Variants in TECRL observed in about 807,000 individuals in gnomAD.
TECRL encodes trans-2,3-enoyl-CoA reductase like.
A neutral mutation model predicts 52.8 loss-of-function variants in TECRL; 63 were observed. The observed-to-expected ratio is 1.19, with a 90% CI of 0.97 to 1.47. The LOEUF is 1.47. Among genes scored for constraint, TECRL ranks in the 40% most tolerant of loss-of-function variants. TECRL has a pLI of 0.00. For missense variants in TECRL, 482 were observed against 429.6 expected (o/e 1.12, Z -1.08); for synonymous variants, 164 against 141.9 (o/e 1.16, Z -1.10).
At chr4:64,341,053 T>C (rs746725171) in intron 2 of TECRL, among the ~76,000 whole-genome samples, 2 of 152,068 alleles carry the variant, frequency 1.3e-5, no homozygotes, top group Admixed American at 6.5e-5. Context: ...GCAGAGATGA[T>C]GGGACAACCT....
At chr4:64,393,374 A>G (rs1723684244) in intron 1 of TECRL, among the ~76,000 whole-genome samples, 1 of 151,892 alleles carries the variant, frequency 6.6e-6, no homozygotes. Flanking sequence ...AAAGGGGGGG[A>G]ACATGAATTT....
At chr4:64,347,146 G>A (rs544465214) in intron 2 of TECRL, among the ~76,000 whole-genome samples, 3 of 152,144 alleles carry the variant, frequency 2.0e-5, no homozygotes, top group Non-Finnish European at 2.9e-5. Flanking sequence ...TGTTCAAAAA[G>A]TTGCCTCTTC....
chr4:64,352,295 G>A (rs1295572303), intron 2 of TECRL, among the ~76,000 whole-genome samples: 2 of 152,002 alleles, frequency 1.3e-5, no homozygotes, highest in African/African-American at 4.8e-5. Flanking sequence ...AAGAAACTAG[G>A]ATAAGAAATT....
chr4:64,297,717 A>T (rs1395386492), intron 8 of TECRL, among the ~76,000 whole-genome samples: 1 of 151,256 alleles, frequency 6.6e-6, no homozygotes, highest in African/African-American at 2.4e-5. Context: ...TATAAATTGA[A>T]GAATAGACTT....
At chr4:64,345,780 C>G (rs1719911719) in intron 2 of TECRL, among the ~76,000 whole-genome samples, 1 of 151,614 alleles carries the variant, frequency 6.6e-6, no homozygotes, top group Non-Finnish European at 1.5e-5. Flanking sequence ...ATGCCTTTCT[C>G]CTGTGTGGAT....
chr4:64,381,029 A>G (rs1722756107), intron 1 of TECRL, among the ~76,000 whole-genome samples: 6 of 152,094 alleles, frequency 3.9e-5, no homozygotes, highest in Admixed American at 3.9e-4. Flanking sequence ...CTAATCCATT[A>G]GCATCAGATG....
rs530101255 is a variant in TECRL, at chr4:64,295,368, G to T, written c.774+4606C>A. Reference sequence around the variant, plus strand: ...TTTTATTGCAAAAATTTTGATATAGGAGATGTTATTATCAATCAATAAAAA... The same window carrying T: ...TTTTATTGCAAAAATTTTGATATAGTAGATGTTATTATCAATCAATAAAAA... On this transcript the variant is annotated intron_variant, in intron 8 of 11. Coordinates refer to ENST00000381210, the MANE Select transcript of TECRL (RefSeq NM_001010874.5). Among the ~76,000 whole-genome samples the T allele has an allele frequency of 0.035, 898 of 25,554 alleles. 8 individuals are homozygous for T. In the East Asian group the frequency reaches 0.36, roughly 10 times the overall value. The allele number at this position is 25,554 out of a possible 152,430, so 16.8% of individuals were successfully genotyped here. A position where few individuals can be genotyped will look rare whatever the true frequency, so the allele number is the denominator to read the frequency against.
intron 11 of TECRL, among the ~76,000 whole-genome samples, chr4:64,280,422 A>G (rs1357047705): frequency 1.3e-5 from 2 of 152,106 alleles, no homozygotes; most frequent in East Asian, 3.8e-4. Flanking sequence ...GAATCTACAT[A>G]TTTTATATAC....
At chr4:64,286,795 CA>C (rs1013063982) in intron 9 of TECRL, among the ~76,000 whole-genome samples, 2 of 152,014 alleles carry the variant, frequency 1.3e-5, no homozygotes, top group Non-Finnish European at 2.9e-5. Context: ...TGAACAATTT[CA>C]AAATTACTGG....
chr4:64,397,070 C>G (rs1724005469), intron 1 of TECRL, among the ~76,000 whole-genome samples: 1 of 151,990 alleles, frequency 6.6e-6, no homozygotes, highest in African/African-American at 2.4e-5. Flanking sequence ...AGCCACACAG[C>G]TTTATCTATT....
At chr4:64,292,445 A>G (rs1329571183) in intron 8 of TECRL, among the ~76,000 whole-genome samples, 1 of 152,022 alleles carries the variant, frequency 6.6e-6, no homozygotes, top group East Asian at 1.9e-4. Flanking sequence ...GACAATAAAC[A>G]CATAGTAACG....
At position 64,305,159 on chromosome 4, in the gene TECRL, T is replaced by C. The variant is rs374866784; in HGVS notation, c.730+7A>G. The C allele has an allele frequency of 6.2e-7, 1 of 1,605,338 alleles. No homozygotes were observed. The highest frequency in any genetic ancestry group is 8.5e-7 in the Non-Finnish European group (1 of 1,174,768). Reference sequence around the variant, plus strand: ...TATACGGTTAGTTAAGAAGAAACCCTACATACATGGTGGTGTATATAGTGG... The same window carrying C: ...TATACGGTTAGTTAAGAAGAAACCCCACATACATGGTGGTGTATATAGTGG... On this transcript the variant is annotated splice_region_variant and intron_variant, in intron 7 of 11. Transcript: ENST00000381210.
chr4:64,339,087 G>A (rs189290753), intron 2 of TECRL, among the ~76,000 whole-genome samples: 4,502 of 151,948 alleles, frequency 0.03, 104 homozygotes, highest in African/African-American at 0.065. Context: ...TATACACCAT[G>A]GAATACTATG....
intron 2 of TECRL, among the ~76,000 whole-genome samples, chr4:64,361,710 C>T (rs985168155): frequency 1.3e-5 from 2 of 151,920 alleles, no homozygotes; most frequent in African/African-American, 2.4e-5. Flanking sequence ...AGCAAAATTC[C>T]CTATCTGAGA....
chr4:64,285,509 A>G (rs1318294514), intron 9 of TECRL, among the ~76,000 whole-genome samples: 1 of 152,156 alleles, frequency 6.6e-6, no homozygotes, highest in Non-Finnish European at 1.5e-5. Flanking sequence ...AGCACATCTA[A>G]TAGATATTAC....
intron 1 of TECRL, among the ~76,000 whole-genome samples, chr4:64,404,541 T>A (rs1724583153): frequency 6.6e-6 from 1 of 152,124 alleles, no homozygotes; most frequent in African/African-American, 2.4e-5. Flanking sequence ...TTATTTTAAA[T>A]CTGCTCTCCA....
chr4:64,294,572 G>A lies in TECRL; in HGVS notation c.775-4805C>T, dbSNP rs143517574. Among the ~76,000 whole-genome samples the A allele has an allele frequency of 5.3e-3, 813 of 152,014 alleles. 10 individuals are homozygous for A. The highest frequency in any genetic ancestry group is 0.018 in the African/African-American group (741 of 41,500). ...TCATGGTTTGCTTACAAAGGTGTTT[G>A]TTTCTCTAATAAACACTTGCTTTCA... On this transcript the variant is annotated intron_variant, in intron 8 of 11. Transcript: ENST00000381210.
chr4:64,409,296 T>C lies in TECRL; in HGVS notation c.56A>G (p.Gln19Arg). The change falls in exon 1 of 12, where the codon CAA (glutamine) becomes CGA (arginine). Residue 19 changes from glutamine to arginine, a missense_variant. By Grantham distance (43) the Gln-to-Arg change is conservative. Coordinates refer to ENST00000381210, the MANE Select transcript of TECRL (RefSeq NM_001010874.5). ...CTTCAGTATGAACCGTGTAGCTCTT[T>C]GGGAAAGTAATGCTCTCTTGCGTTC... is the stretch of plus-strand genomic sequence containing the variant. Reference protein sequence around the residue: ...ASERKRALLSQRATRFILKDD... With the variant: ...ASERKRALLSRRATRFILKDD... 6.2e-7 allele frequency: 1 copy of C among 1,613,834 alleles called. No homozygotes were observed. The highest frequency in any genetic ancestry group is 8.5e-7 in the Non-Finnish European group (1 of 1,179,838).
rs1260232805 is a variant in TECRL, at chr4:64,339,135, G to T, written c.287-10579C>A. Among the ~76,000 whole-genome samples the T allele has an allele frequency of 4.3e-4, 66 of 151,926 alleles. 3 individuals carry two copies. Among genetic ancestry groups the T allele is most frequent in the Admixed American group, 4.3e-3 (66 of 15,244 alleles). ...ATGATGAGTTCATGTCCTTTGTAGG[G>T]ACATGGATGAAGCTGGAAACCATCA... On this transcript the variant is annotated intron_variant, in intron 2 of 11. Transcript: ENST00000381210.
Sources: gnomAD v4.1 joint callset for allele counts (sites outside exome capture counted in the v4.1 genomes callset) on GRCh38, gnomAD v4.1.1 for gene constraint, MANE v1.5 for transcripts, NCBI Gene and HGNC (gene_info 2026-07-23, HGNC 2026-07-21) for gene names.